The following BUB1 variants were observed in gnomAD, a reference collection of about 807,000 sequenced individuals.
BUB1 encodes mitotic checkpoint serine/threonine-protein kinase BUB1.
A neutral mutation model predicts 135.2 loss-of-function variants in BUB1; 84 were observed. The ratio of observed to expected loss-of-function variants is 0.62; its 90% CI spans 0.52 to 0.74. The LOEUF is 0.74. Among genes scored for constraint, BUB1 ranks in the 30% least tolerant of loss-of-function variants. BUB1 has a pLI of 0.00. For synonymous variants in BUB1, 403 were observed against 434.4 expected (o/e 0.93, Z 0.90); for missense variants, 1,162 against 1,288.3 (o/e 0.90, Z 1.50).
intron 4 of BUB1, among the ~76,000 whole-genome samples, chr2:110,671,107 G>A (rs1574335352): frequency 6.6e-6 from 1 of 152,144 alleles, no homozygotes; most frequent in African/African-American, 2.4e-5. Context: ...TGAGCGATGC[G>A]AGCCAAAGTG....
intron 1 of BUB1, among the ~76,000 whole-genome samples, chr2:110,675,595 A>C (rs1690555044): frequency 1.3e-5 from 2 of 152,080 alleles, no homozygotes; most frequent in Admixed American, 1.3e-4. Flanking sequence ...TTTCTATCTG[A>C]GACACTATAA....
Position 110,678,013 on chromosome 2 carries a change from C to G in BUB1, c.-18G>C, listed in dbSNP as rs574830693. 30 of 1,602,022 alleles carry G rather than the reference C, an allele frequency of 1.9e-5. No homozygotes were observed. The highest frequency in any genetic ancestry group is 2.5e-5 in the Non-Finnish European group (29 of 1,175,274). On this transcript the variant is annotated 5_prime_UTR_variant, in exon 1 of 25. Coordinates refer to ENST00000302759, the MANE Select transcript of BUB1 (RefSeq NM_004336.5). ...GTGTCCATGGCCAGAGGACGCTGGC[C>G]GGCAGCGGCCAAACCTGAACCGCAA...
In BUB1 at chr2:110,658,452, A is replaced by G; in HGVS notation, c.1474T>C (p.Ser492Pro). 6.2e-7 allele frequency: 1 copy of G among 1,614,030 alleles called. No homozygotes were observed. Among genetic ancestry groups the G allele is most frequent in the Non-Finnish European group, 8.5e-7 (1 of 1,179,982 alleles). Residue 492 changes from serine (S) to proline (P), a missense_variant, in exon 13 of 25, where the codon TCT becomes CCT. By Grantham distance (74) the Ser-to-Pro change is moderately conservative. Transcript: ENST00000302759. ...AATGCATCTTCATTTTGATCTAGAG[A>G]TTGCCATTCATCTTTGTCATCAGAA... ...DISDDKDEWQ[S>P]LDQNEDAFEA...
intron 23 of BUB1, 56 bp from the exon 24 acceptor site, chr2:110,639,904 T>A: frequency 7.4e-7 from 1 of 1,356,656 alleles, no homozygotes; most frequent in Non-Finnish European, 1.1e-6. Context: ...CATGACTATA[T>A]CAAGATGCCT....
chr2:110,639,550 G>A (rs1013204407), intron 24 of BUB1, among the ~76,000 whole-genome samples, 192 bp downstream of exon 24: 42 of 152,150 alleles, frequency 2.8e-4, no homozygotes, highest in African/African-American at 9.4e-4. Flanking sequence ...TGCCCCAGTG[G>A]GGAGAGAGAA....
At chr2:110,661,353 T>A in intron 10 of BUB1, 2 of 532,924 alleles carry the variant, frequency 3.8e-6, no homozygotes, top group East Asian at 6.6e-5. Flanking sequence ...TGAAAATTTT[T>A]AATTCACGAA....
chr2:110,638,107 G>C lies in BUB1; in HGVS notation c.3115C>G (p.Pro1039Ala), dbSNP rs1009345099. The change falls in exon 25 of 25, where the codon CCA (proline) becomes GCA (alanine). Residue 1039 changes from proline (P) to alanine (A), a missense_variant. Pro to Ala is a conservative substitution (Grantham distance 27). Coordinates refer to ENST00000302759, the MANE Select transcript of BUB1 (RefSeq NM_004336.5). ...NEFFHVMLNI[P>A]DCHHLPSLDL... ...AAAGATGGAAGATGATGACAATCTG[G>C]AATATTCAACATAACATGAAAAAAT... 3.1e-6 allele frequency: 5 copies of C among 1,606,818 alleles called. No individual in the cohort carries two copies. Among genetic ancestry groups the C allele is most frequent in the Non-Finnish European group, 4.2e-6 (5 of 1,177,960 alleles).
chr2:110,658,400 T>G lies in BUB1; in HGVS notation c.1516+10A>C. The G allele has an allele frequency of 6.3e-7, 1 of 1,596,858 alleles. No individual in the cohort carries two copies. Among genetic ancestry groups the G allele is most frequent in the Non-Finnish European group, 8.6e-7 (1 of 1,166,844 alleles). The stretch of plus-strand genomic sequence containing the variant: ...TGCTATGCACTTAGTAGCTTTTAAA[T>G]AGTTATTACTTTGAAACTGGGCTTC... On this transcript the variant is annotated intron_variant, in intron 13 of 24. Transcript: ENST00000302759.
At chr2:110,674,449 T>A in intron 1 of BUB1, 84 bp from the exon 2 acceptor site, 2 of 1,277,232 alleles carry the variant, frequency 1.6e-6, no homozygotes, top group Non-Finnish European at 2.2e-6. Context: ...ATATACCATT[T>A]ATGTGCATTA....
chr2:110,671,791 T>C (rs1690430930), intron 4 of BUB1, among the ~76,000 whole-genome samples: 1 of 152,210 alleles, frequency 6.6e-6, no homozygotes, highest in South Asian at 2.1e-4. Context: ...CATGCAATCC[T>C]GTAACAAGAA....
Position 110,642,253 on chromosome 2 carries a change from A to C in BUB1, c.2348-19T>G. ...TTAGAACCTTAGAAGATAATTGAAA[A>C]TTTTAATTTATGTACGCCTTTTATT... On this transcript the variant is annotated intron_variant, in intron 19 of 24. Coordinates refer to ENST00000302759, the MANE Select transcript of BUB1 (RefSeq NM_004336.5). 6.7e-7 allele frequency: 1 copy of C among 1,496,080 alleles called. No individual in the cohort carries two copies. Among genetic ancestry groups the C allele is most frequent in the Non-Finnish European group, 9.1e-7 (1 of 1,096,244 alleles). The allele number at this position is 1,496,080 out of a possible 1,614,324, so 92.7% of individuals were successfully genotyped here.
intron 21 of BUB1, 61 bp from the exon 22 acceptor site, chr2:110,641,525 T>G: frequency 6.4e-7 from 1 of 1,561,216 alleles, no homozygotes; most frequent in Non-Finnish European, 8.6e-7. Context: ...AATTTCAAAT[T>G]GAGAGCTTTG....
chr2:110,668,015 C>G (rs1388030592), intron 6 of BUB1, among the ~76,000 whole-genome samples, 166 bp from the exon 7 acceptor site: 4 of 152,126 alleles, frequency 2.6e-5, no homozygotes, highest in Admixed American at 6.5e-5. Flanking sequence ...TTGTTTGTAT[C>G]AACAACCTTA....
rs368549078 is a variant in BUB1 at position 110,663,228 on chromosome 2, G to A, written c.958-1387C>T. ...CCAGGAAGCGGAGGTTGCAGTGAGC[G>A]GAGATTGCACCACTGCACTCCAGCC... On this transcript the variant is annotated intron_variant, in intron 9 of 24. Transcript: ENST00000302759. 1.3e-4 allele frequency among the ~76,000 whole-genome samples: 19 copies of A among 151,852 alleles called. No homozygotes were observed. In the East Asian group the frequency reaches 2.1e-3, roughly 17 times the overall value.
At chr2:110,645,532 A>G (rs1324498398) in intron 19 of BUB1, among the ~76,000 whole-genome samples, 1 of 152,136 alleles carries the variant, frequency 6.6e-6, no homozygotes, top group Non-Finnish European at 1.5e-5. Context: ...CATTTCTGAC[A>G]GAGCAGACTT....
intron 1 of BUB1, among the ~76,000 whole-genome samples, chr2:110,676,150 C>T (rs1332201794): frequency 6.6e-6 from 1 of 151,284 alleles, no homozygotes; most frequent in East Asian, 1.9e-4. Context: ...ACTGGAAAAA[C>T]AATGAGCTTT....
intron 4 of BUB1, among the ~76,000 whole-genome samples, chr2:110,671,233 A>G (rs1257583241): frequency 6.6e-6 from 1 of 152,230 alleles, no homozygotes; most frequent in Non-Finnish European, 1.5e-5. Context: ...TTAAATAATT[A>G]TTGTTAGTTT....
chr2:110,673,781 T>A (rs1449004418), intron 3 of BUB1, among the ~76,000 whole-genome samples: 1 of 152,052 alleles, frequency 6.6e-6, no homozygotes, highest in East Asian at 1.9e-4. Flanking sequence ...GTATTTTTAG[T>A]AGAGACAGGA....
intron 13 of BUB1, 66 bp from the exon 14 acceptor site, chr2:110,657,711 T>C: frequency 8.7e-7 from 1 of 1,156,024 alleles, no homozygotes; most frequent in African/African-American, 1.6e-5. Flanking sequence ...ATATTAAACT[T>C]CAACTACAAA....
Sources: gnomAD v4.1 joint callset for allele counts (sites outside exome capture counted in the v4.1 genomes callset) on GRCh38, gnomAD v4.1.1 for gene constraint, MANE v1.5 for transcripts, NCBI Gene and HGNC (gene_info 2026-07-23, HGNC 2026-07-21) for gene names.